Variants in ROBO2 observed in about 807,000 individuals in gnomAD.
ROBO2 encodes roundabout guidance receptor 2, also known as roundabout homolog 2.
ROBO2 carries 53 observed loss-of-function variants against 160.8 expected under a neutral mutation model. That is an observed-to-expected ratio of 0.33 (90% CI 0.26 to 0.41). ROBO2 has a LOEUF of 0.41. ROBO2 is among the 10% of genes least tolerant of loss of function. The pLI is 1.00. For synonymous variants in ROBO2, 664 were observed against 611.7 expected, an observed-to-expected ratio of 1.09 and a Z score of -1.26; for missense variants, 1,577 against 1,722.4, an observed-to-expected ratio of 0.92 and a Z score of 1.49.
chr3:77,168,600 C>T (rs1451667711), intron 2 of ROBO2, among the ~76,000 whole-genome samples: 1 of 152,082 alleles, frequency 6.6e-6, no homozygotes, highest in East Asian at 1.9e-4. Flanking sequence ...TTTCACCTAT[C>T]CTCTCATTAG....
chr3:76,765,724 G>A (rs951437836), intron 2 of ROBO2, among the ~76,000 whole-genome samples: 1 of 151,642 alleles, frequency 6.6e-6, no homozygotes, highest in African/African-American at 2.4e-5. Flanking sequence ...CGGATGTCCA[G>A]TTCAGCTAAC....
chr3:76,616,158 G>T (rs2088564457), intron 2 of ROBO2, among the ~76,000 whole-genome samples: 1 of 152,148 alleles, frequency 6.6e-6, no homozygotes, highest in Non-Finnish European at 1.5e-5. Flanking sequence ...TTTTCAAAAG[G>T]TAATTGGAAA....
At chr3:76,752,840 G>A (rs1189989427) in intron 2 of ROBO2, among the ~76,000 whole-genome samples, 1 of 151,694 alleles carries the variant, frequency 6.6e-6, no homozygotes, top group Non-Finnish European at 1.5e-5. Context: ...TAAGGCTTTA[G>A]GGACTTTTTT....
intron 2 of ROBO2, among the ~76,000 whole-genome samples, chr3:76,614,665 GTTTAA>G (rs753794915): frequency 6.6e-6 from 1 of 152,068 alleles, no homozygotes; most frequent in African/African-American, 2.4e-5. Flanking sequence ...ATCAACAATG[GTTTAA>G]TTTGACATGC....
At chr3:77,020,475 A>T (rs1324949992) in intron 2 of ROBO2, among the ~76,000 whole-genome samples, 2 of 152,212 alleles carry the variant, frequency 1.3e-5, no homozygotes, top group Admixed American at 1.3e-4. Context: ...ATGCTTAAAT[A>T]CTAATGAAGC....
intron 2 of ROBO2, among the ~76,000 whole-genome samples, chr3:76,446,567 G>C (rs960208035): frequency 6.6e-6 from 1 of 152,096 alleles, no homozygotes; most frequent in Non-Finnish European, 1.5e-5. Flanking sequence ...AACCAAAAAA[G>C]AGCCCGCACT....
chr3:77,250,183 A>T (rs2090182209), intron 2 of ROBO2, among the ~76,000 whole-genome samples: 1 of 152,160 alleles, frequency 6.6e-6, no homozygotes, highest in South Asian at 2.1e-4. Context: ...ATTCTGTCTC[A>T]GCTTTTGATT....
chr3:76,464,146 T>C (rs1229172248), intron 2 of ROBO2, among the ~76,000 whole-genome samples: 4 of 152,286 alleles, frequency 2.6e-5, no homozygotes, highest in African/African-American at 7.2e-5. Flanking sequence ...GATTCAGATT[T>C]GTGATTGTCC....
At chr3:76,058,038 AT>A (rs2067914702) in intron 2 of ROBO2, among the ~76,000 whole-genome samples, 1 of 152,188 alleles carries the variant, frequency 6.6e-6, no homozygotes, top group Non-Finnish European at 1.5e-5. Context: ...CAATAATGTT[AT>A]TTTAGGAGGA....
chr3:77,286,360 G>T (rs577470908), intron 2 of ROBO2, among the ~76,000 whole-genome samples: 1 of 148,386 alleles, frequency 6.7e-6, no homozygotes, highest in South Asian at 2.1e-4. Flanking sequence ...AAGTTCGAAC[G>T]ATTCTTTTGC....
intron 1 of ROBO2, among the ~76,000 whole-genome samples, chr3:77,043,307 A>G (rs989406233): frequency 6.6e-6 from 1 of 152,232 alleles, no homozygotes; most frequent in African/African-American, 2.4e-5. Flanking sequence ...TCAAAGATAT[A>G]CTGACCATCC....
At chr3:76,483,304 G>C (rs1321661842) in intron 2 of ROBO2, among the ~76,000 whole-genome samples, 1 of 117,986 alleles carries the variant, frequency 8.5e-6, no homozygotes, top group Non-Finnish European at 1.9e-5. Context: ...CATGTTAACT[G>C]TCATTATTTT....
At chr3:77,216,396 T>A (rs1041869925) in intron 2 of ROBO2, among the ~76,000 whole-genome samples, 1 of 152,188 alleles carries the variant, frequency 6.6e-6, no homozygotes. Flanking sequence ...TATAATCTCC[T>A]GGTGCGCCGT....
chr3:76,849,939 CACTTTGGG>C (rs1471136573), intron 2 of ROBO2, among the ~76,000 whole-genome samples: 1 of 152,170 alleles, frequency 6.6e-6, no homozygotes, highest in Non-Finnish European at 1.5e-5. Flanking sequence ...GTAATCCCAG[CACTTTGGG>C]AGGCCAAGGT....
chr3:76,363,040 A>G (rs2075612181), intron 2 of ROBO2, among the ~76,000 whole-genome samples: 1 of 152,086 alleles, frequency 6.6e-6, no homozygotes, highest in African/African-American at 2.4e-5. Context: ...ACACTAAATG[A>G]TATCCTTGAC....
At chr3:76,767,198 G>A (rs144613487) in intron 2 of ROBO2, among the ~76,000 whole-genome samples, 6 of 151,564 alleles carry the variant, frequency 4.0e-5, no homozygotes, top group Admixed American at 1.3e-4. Context: ...CTTTTAGTAC[G>A]TGAAGTTCAG....
At chr3:76,994,148 A>G (rs1203822472) in intron 2 of ROBO2, among the ~76,000 whole-genome samples, 1 of 151,718 alleles carries the variant, frequency 6.6e-6, no homozygotes, top group African/African-American at 2.4e-5. Context: ...ATCTGCATAT[A>G]TTGTTAAATG....
intron 20 of ROBO2, chr3:77,604,133 T>G (rs1163792674): frequency 6.6e-6 from 1 of 152,278 alleles, no homozygotes; most frequent in Non-Finnish European, 1.5e-5. Context: ...ATGGGTCATT[T>G]GCTCTTCTTG....
At chr3:75,954,924 C>T (rs1948671918) in intron 2 of ROBO2, among the ~76,000 whole-genome samples, 1 of 151,684 alleles carries the variant, frequency 6.6e-6, no homozygotes, top group African/African-American at 2.4e-5. Flanking sequence ...AGGTATTGAT[C>T]CCAGATCCAC....
Sources: gnomAD v4.1 joint callset for allele counts (sites outside exome capture counted in the v4.1 genomes callset) on GRCh38, gnomAD v4.1.1 for gene constraint, MANE v1.5 for transcripts, NCBI Gene and HGNC (gene_info 2026-07-23, HGNC 2026-07-21) for gene names.